DNAJB13: variants seen among roughly 807,000 people sequenced by gnomAD.
DNAJB13 encodes DnaJ heat shock protein family (Hsp40) member B13.
A neutral mutation model predicts 35.6 loss-of-function variants in DNAJB13; 22 were observed. The ratio of observed to expected loss-of-function variants is 0.62; its 90% CI spans 0.44 to 0.88. The LOEUF is 0.88. DNAJB13 is among the 40% of genes least tolerant of loss of function. The pLI is 0.00. For missense variants in DNAJB13, 370 were observed against 384.3 expected (o/e 0.96, Z 0.31); for synonymous variants, 136 against 144.2 (o/e 0.94, Z 0.41).
chr11:73,959,682 C>A, intron 3 of DNAJB13, 27 bp downstream of exon 3: 1 of 1,602,896 alleles, frequency 6.2e-7, no homozygotes, highest in African/African-American at 1.3e-5. Context: ...CCCCACCTTG[C>A]CTTATAGAGA....
Position 73,959,479 on chromosome 11 carries a change from G to T in DNAJB13, c.173-15G>T. The T allele has an allele frequency of 1.2e-6, 2 of 1,611,906 alleles. No homozygotes were observed. The highest frequency in any genetic ancestry group is 1.7e-6 in the Non-Finnish European group (2 of 1,178,656). On this transcript the variant is annotated splice_polypyrimidine_tract_variant and intron_variant, in intron 2 of 7. Coordinates refer to ENST00000339764, the MANE Select transcript of DNAJB13 (RefSeq NM_153614.4). ...CCAAAGTTGGACACCTCCTTAAGGT[G>T]ATGCCCATCCACAGCCATGAAGAGA...
rs1285650004 is a variant in DNAJB13 at position 73,968,524 on chromosome 11, G to A, written c.720+66G>A. The A allele has an allele frequency of 8.5e-6, 12 of 1,403,744 alleles. No homozygotes were observed. In the Admixed American group the frequency reaches 2.4e-4, roughly 28 times the overall value. 87.0% of individuals were successfully genotyped at this position (1,403,744 alleles called of 1,614,324 possible). A position where few individuals can be genotyped will look rare whatever the true frequency, so the allele number is the denominator to read the frequency against. ...AGTGAGCCCTGCCTGCCCCGGCCTA[G>A]ACTTGGCCTCCCCTCCCACAACCAC... On this transcript the variant is annotated intron_variant, in intron 6 of 7. Transcript: ENST00000339764.
intron 3 of DNAJB13, among the ~76,000 whole-genome samples, chr11:73,961,480 C>CAA (rs1407324603): frequency 6.6e-6 from 1 of 152,162 alleles, no homozygotes; most frequent in Non-Finnish European, 1.5e-5. Flanking sequence ...AATGTAGCTG[C>CAA]AACTGCTGCC....
In DNAJB13 at chr11:73,969,241, C is replaced by G; in HGVS notation, c.721-5C>G. 1.2e-6 allele frequency: 1 copy of G among 864,672 alleles called. No homozygotes were observed. The highest frequency in any genetic ancestry group is 2.0e-6 in the Non-Finnish European group (1 of 498,360). The allele number at this position is 864,672 out of a possible 1,614,324, so 53.6% of individuals were successfully genotyped here. On this transcript the variant is annotated splice_region_variant and splice_polypyrimidine_tract_variant and intron_variant, in intron 6 of 7. Transcript: ENST00000339764. ...AGCCCCACCTTTGGCCCTGACCCTC[C>G]CTAGGCTCTCACCTGCTGCACTGTG... is the stretch of plus-strand genomic sequence containing the variant.
intron 1 of DNAJB13, among the ~76,000 whole-genome samples, chr11:73,957,996 G>GC (rs1317685513): frequency 3.3e-5 from 5 of 152,206 alleles, no homozygotes; most frequent in Non-Finnish European, 5.9e-5. Context: ...CGCAAAGCTT[G>GC]CCCGTTGGAG....
chr11:73,953,534 G>A (rs1031130395), intron 1 of DNAJB13, among the ~76,000 whole-genome samples: 1 of 152,180 alleles, frequency 6.6e-6, no homozygotes, highest in African/African-American at 2.4e-5. Flanking sequence ...TACGTGACGG[G>A]TTTCATGCAC....
At chr11:73,964,010 G>T (rs1354959874) in intron 3 of DNAJB13, 1 of 152,198 alleles carries the variant, frequency 6.6e-6, no homozygotes, top group East Asian at 1.9e-4. Flanking sequence ...CTGGACCAAT[G>T]AAATAATAAT....
At chr11:73,961,461 C>T (rs1443557387) in intron 3 of DNAJB13, among the ~76,000 whole-genome samples, 1 of 152,154 alleles carries the variant, frequency 6.6e-6, no homozygotes, top group African/African-American at 2.4e-5. Context: ...CATTCCAGAG[C>T]ACACCATGAA....
rs150548061 is a variant in DNAJB13, at chr11:73,964,815, G to GCGCGCGCGCGCGCC, written c.335-54_335-53insGCGCCCGCGCGCGC. ...TGTGTGTGTGTGTGTGTGTGTGTGC[G>GCGCGCGCGCGCGCC]CGCGCGCGCATGTCTGGGTCTCTGG... On this transcript the variant is annotated intron_variant, in intron 3 of 7. Transcript: ENST00000339764. 203 of 976,828 alleles carry GCGCGCGCGCGCGCC rather than the reference G, an allele frequency of 2.1e-4. 9 individuals carry two copies. The highest frequency in any genetic ancestry group is 1.3e-3 in the Admixed American group (57 of 43,660). The allele number at this position is 976,828 out of a possible 1,614,324, so 60.5% of individuals were successfully genotyped here.
intron 1 of DNAJB13, among the ~76,000 whole-genome samples, chr11:73,953,532 G>A (rs746706899): frequency 5.9e-5 from 9 of 152,158 alleles, no homozygotes; most frequent in Non-Finnish European, 7.4e-5. Context: ...GGTACGTGAC[G>A]GGTTTCATGC....
rs563113658 is a variant in DNAJB13, at chr11:73,968,413, G to A, written c.675G>A (p.Arg225=). The change falls in exon 6 of 8, where the codon AGG becomes AGA. Residue 225 remains arginine (R), a synonymous_variant. Transcript: ENST00000339764. ...AGAAGCTACACCCTCGCTTCCGCAG[G>A]GAGAATGACAACCTCTTCTTCGTGA... ...VKEKLHPRFR[R]ENDNLFFVNP... is the part of the protein sequence containing the mutation. The A allele has an allele frequency of 1.1e-5, 17 of 1,614,086 alleles. No individual in the cohort carries two copies. The South Asian group carries it at 1.8e-4, about 17-fold the overall frequency.
chr11:73,958,796 G>T (rs1361296498), intron 2 of DNAJB13, among the ~76,000 whole-genome samples: 2 of 152,208 alleles, frequency 1.3e-5, no homozygotes, highest in African/African-American at 4.8e-5. Context: ...GTCCCTCCCA[G>T]AGGTCCTTCC....
At chr11:73,960,536 G>A (rs1391322715) in intron 3 of DNAJB13, among the ~76,000 whole-genome samples, 1 of 152,034 alleles carries the variant, frequency 6.6e-6, no homozygotes, top group African/African-American at 2.4e-5. Flanking sequence ...TGGCCAGGCT[G>A]GTCTTGAACT....
chr11:73,957,249 C>T (rs921642791), intron 1 of DNAJB13, among the ~76,000 whole-genome samples: 2 of 152,214 alleles, frequency 1.3e-5, no homozygotes, highest in Non-Finnish European at 2.9e-5. Flanking sequence ...CCCCAGTTCT[C>T]CTCCTATGGG....
intron 2 of DNAJB13, 35 bp downstream of exon 2, chr11:73,958,455 T>C: frequency 6.3e-7 from 1 of 1,585,130 alleles, no homozygotes; most frequent in Non-Finnish European, 8.7e-7. Context: ...CCCGCTTGAT[T>C]AGGATCATTC....
chr11:73,968,289 T>TGGCCAAGGTCACAC lies in DNAJB13; in HGVS notation c.607-49_607-36dup. 2.7e-6 allele frequency: 4 copies of TGGCCAAGGTCACAC among 1,493,066 alleles called. No homozygotes were observed. The South Asian group carries it at 3.4e-5, about 13-fold the overall frequency. The allele number at this position is 1,493,066 out of a possible 1,614,324, so 92.5% of individuals were successfully genotyped here. A position where few individuals can be genotyped will look rare whatever the true frequency, so the allele number is the denominator to read the frequency against. The stretch of plus-strand genomic sequence containing the variant: ...ATGGAGACAAGTAGAGGCAGGAACT[T>TGGCCAAGGTCACAC]GGCCAAGGTCACACGGCCAACTAGT... On this transcript the variant is annotated intron_variant, in intron 5 of 7. Transcript: ENST00000339764.
intron 1 of DNAJB13, among the ~76,000 whole-genome samples, chr11:73,954,643 AAAATAAAT>A (rs10681304): frequency 1.1e-4 from 15 of 132,250 alleles, no homozygotes; most frequent in South Asian, 2.4e-4. Context: ...AAAAAAAAAT[AAAATAAAT>A]AAATAAATAA....
At chr11:73,953,246 C>G (rs1950629833) in intron 1 of DNAJB13, among the ~76,000 whole-genome samples, 1 of 152,060 alleles carries the variant, frequency 6.6e-6, no homozygotes, top group African/African-American at 2.4e-5. Context: ...AATGGCTGGG[C>G]CGGGCACCGT....
In DNAJB13 at chr11:73,966,121, C is replaced by T. The variant is rs1396064305; in HGVS notation, c.493-17C>T. On this transcript the variant is annotated splice_polypyrimidine_tract_variant and intron_variant, in intron 4 of 7. Transcript: ENST00000339764. ...AAGTCCTAAGCAGACCTCCCCACAC[C>T]TGATATGTTGCTATAGGTGCTGAAC... 1 of 1,606,672 alleles carries T rather than the reference C, an allele frequency of 6.2e-7. No individual in the cohort carries two copies. Among genetic ancestry groups the T allele is most frequent in the East Asian group, 2.2e-5 (1 of 44,790 alleles).
Sources: allele counts gnomAD v4.1 joint callset (sites outside exome capture counted in the v4.1 genomes callset), GRCh38; gene constraint gnomAD v4.1.1; transcripts MANE v1.5; gene names NCBI Gene and HGNC (gene_info 2026-07-23, HGNC 2026-07-21).